The following PSMC2 variants were observed in gnomAD, a reference collection of about 807,000 sequenced individuals.
The protein encoded by PSMC2 is 26S proteasome regulatory subunit 7.
A neutral mutation model predicts 53.3 loss-of-function variants in PSMC2; 7 were observed. That is an observed-to-expected ratio of 0.13 (90% CI 0.07 to 0.25). The LOEUF (loss-of-function observed/expected upper bound fraction) is 0.25, where lower values mean the gene tolerates loss of function less well. Among genes scored for constraint, PSMC2 ranks in the 10% least tolerant of loss-of-function variants. PSMC2 has a pLI of 1.00. For missense variants in PSMC2, 241 were observed against 544.0 expected (o/e 0.44, Z 5.54); for synonymous variants, 169 against 183.9 (o/e 0.92, Z 0.66).
In PSMC2 at chr7:103,354,471, C is replaced by A. The variant is rs148237238; in HGVS notation, c.109-397C>A. On this transcript the variant is annotated intron_variant, in intron 2 of 11. Coordinates refer to ENST00000292644, the MANE Select transcript of PSMC2 (RefSeq NM_002803.4). ...GCAACCTCCGCCTCCTGGGTTCAAGCGATTCTCCTGCCTCAGCCTCCTGAG... is the reference window on the plus strand; with the variant it reads ...GCAACCTCCGCCTCCTGGGTTCAAGAGATTCTCCTGCCTCAGCCTCCTGAG... Among the ~76,000 whole-genome samples the A allele has an allele frequency of 1.8e-3, 277 of 150,896 alleles. 9 individuals are homozygous for A. In the East Asian group the frequency reaches 0.052, roughly 28 times the overall value.
chr7:103,366,223 A>C (rs533101025), intron 9 of PSMC2, 60 bp downstream of exon 9: 6 of 1,360,088 alleles, frequency 4.4e-6, no homozygotes, highest in Admixed American at 1.8e-5. Flanking sequence ...CTGTAAAGTG[A>C]TATGTCGTGA....
chr7:103,368,840 A>ATTACT lies in PSMC2; in HGVS notation c.*790_*794dup, dbSNP rs1820863280. The stretch of plus-strand genomic sequence containing the variant: ...AAAAGTGATTACTTTCATTTTACAA[A>ATTACT]TTACTTTAAAATTTTGGTAAAGTTT... On this transcript the variant is annotated 3_prime_UTR_variant, in exon 12 of 12. Coordinates refer to ENST00000292644, the MANE Select transcript of PSMC2 (RefSeq NM_002803.4). The ATTACT allele has an allele frequency of 1.3e-5, 2 of 152,196 alleles. No homozygotes were observed. The highest frequency in any genetic ancestry group is 4.1e-4 in the South Asian group (2 of 4,832). The allele number at this position is 152,196 out of a possible 1,614,324, so 9.4% of individuals were successfully genotyped here. A position where few individuals can be genotyped will look rare whatever the true frequency, so the allele number is the denominator to read the frequency against.
rs544406063 is a variant in PSMC2 at position 103,361,063 on chromosome 7, G to A, written c.291-894G>A. Among the ~76,000 whole-genome samples, 67 of 150,686 alleles carry A rather than the reference G, an allele frequency of 4.4e-4. No individual in the cohort carries two copies. The South Asian group carries it at 5.1e-3, about 11-fold the overall frequency. ...CAGGAGGCGGAGATTGTAATGAGCC[G>A]AGATCGCACCACTGCACTCCAGTCT... On this transcript the variant is annotated intron_variant, in intron 4 of 11. Transcript: ENST00000292644.
At chr7:103,354,464 G>T (rs570577273) in intron 2 of PSMC2, among the ~76,000 whole-genome samples, 2 of 151,706 alleles carry the variant, frequency 1.3e-5, no homozygotes, top group South Asian at 4.2e-4. Flanking sequence ...CGCCTCCTGG[G>T]TTCAAGCGAT....
Position 103,367,747 on chromosome 7 carries a change from C to A in PSMC2, c.1082C>A (p.Ser361Ter). ...RTHIFKIHAR[S>*]MSVERDIRFE... is the part of the protein sequence containing the mutation. ...CACATATTTAAGATTCACGCTCGTT[C>A]AATGAGTGTTGAAAGAGATATCAGA... The change falls in exon 11 of 12, where the codon TCA becomes TAA. Residue 361 changes from serine to a stop codon, truncating the protein, a stop_gained. Coordinates refer to ENST00000292644, the MANE Select transcript of PSMC2 (RefSeq NM_002803.4). LOFTEE classifies it high-confidence loss of function. This position sits in a 1 kb window ranked among gnomAD's most constrained non-coding sequence, Gnocchi z 6.1. 1.2e-6 allele frequency: 2 copies of A among 1,613,918 alleles called. No homozygotes were observed. The highest frequency in any genetic ancestry group is 2.2e-5 in the South Asian group (2 of 91,010).
At chr7:103,365,756 C>T (rs1820684284) in intron 8 of PSMC2, among the ~76,000 whole-genome samples, 1 of 152,038 alleles carries the variant, frequency 6.6e-6, no homozygotes, top group East Asian at 1.9e-4. Context: ...GCTGAAACCC[C>T]GTCTCTACTA....
At chr7:103,348,741 GA>G in intron 1 of PSMC2, 1 of 1,389,066 alleles carries the variant, frequency 7.2e-7, no homozygotes. Flanking sequence ...GTCAGTATGG[GA>G]AGGATATTGG....
At position 103,354,859 on chromosome 7, in the gene PSMC2, A is replaced by G. The variant is rs1197774757; in HGVS notation, c.109-9A>G. On this transcript the variant is annotated splice_polypyrimidine_tract_variant and intron_variant, in intron 2 of 11. Coordinates refer to ENST00000292644, the MANE Select transcript of PSMC2 (RefSeq NM_002803.4). ...TGATATTCTAACTAAACTGACCTTC[A>G]TCACCTAGGGTCAGAGCACTTACTC... 6.9e-6 allele frequency: 11 copies of G among 1,589,342 alleles called. No homozygotes were observed. Among genetic ancestry groups the G allele is most frequent in the Non-Finnish European group, 9.5e-6 (11 of 1,161,332 alleles).
intron 1 of PSMC2, among the ~76,000 whole-genome samples, 189 bp downstream of exon 1, chr7:103,347,970 C>G (rs1331863465): frequency 6.6e-6 from 1 of 152,192 alleles, no homozygotes; most frequent in African/African-American, 2.4e-5. Context: ...ACTACAAGTT[C>G]TGTATTATCT....
At chr7:103,357,195 G>A (rs922578144) in intron 4 of PSMC2, among the ~76,000 whole-genome samples, 3 of 151,920 alleles carry the variant, frequency 2.0e-5, no homozygotes, top group East Asian at 1.9e-4. Flanking sequence ...GTGTGGTGGC[G>A]GGCGCTTGTA....
chr7:103,347,848 G>C, intron 1 of PSMC2, 67 bp downstream of exon 1: 1 of 1,563,080 alleles, frequency 6.4e-7, no homozygotes, highest in South Asian at 1.1e-5. Context: ...TGGCACTGGA[G>C]AGGAGCTGGA....
rs568477030 is a variant in PSMC2 at position 103,358,343 on chromosome 7, C to T, written c.290+2550C>T. Among the ~76,000 whole-genome samples the T allele has an allele frequency of 1.8e-3, 276 of 152,170 alleles. 2 individuals are homozygous for T. The highest frequency in any genetic ancestry group is 6.5e-3 in the African/African-American group (269 of 41,512). On this transcript the variant is annotated intron_variant, in intron 4 of 11. Coordinates refer to ENST00000292644, the MANE Select transcript of PSMC2 (RefSeq NM_002803.4). Reference sequence around the variant, plus strand: ...TGTTGGTCTGTTTTCATCCATTGTCCTGGGCTCTCTTGTCCTTTAGTAAGG... The same window carrying T: ...TGTTGGTCTGTTTTCATCCATTGTCTTGGGCTCTCTTGTCCTTTAGTAAGG...
intron 8 of PSMC2, 84 bp from the exon 9 acceptor site, chr7:103,365,992 T>G: frequency 9.4e-7 from 1 of 1,068,618 alleles, no homozygotes; most frequent in Non-Finnish European, 1.4e-6. Flanking sequence ...GGAATAAATA[T>G]TGAAAAGTTT....
chr7:103,349,014 A>G (rs748925349), intron 1 of PSMC2, among the ~76,000 whole-genome samples: 1 of 152,256 alleles, frequency 6.6e-6, no homozygotes, highest in Non-Finnish European at 1.5e-5. Flanking sequence ...AGATATGCAC[A>G]CCAGTTTTGG....
intron 5 of PSMC2, 199 bp downstream of exon 5, chr7:103,362,287 C>G: frequency 7.1e-7 from 1 of 1,401,024 alleles, no homozygotes; most frequent in African/African-American, 1.5e-5. Flanking sequence ...TCCCCTACTC[C>G]CACTGTTGTT....
At chr7:103,355,619 G>A in intron 3 of PSMC2, 75 bp from the exon 4 acceptor site, 1 of 1,089,202 alleles carries the variant, frequency 9.2e-7, no homozygotes, top group South Asian at 1.3e-5. Flanking sequence ...AATATCAGTA[G>A]TGCTGAGGTT....
intron 8 of PSMC2, among the ~76,000 whole-genome samples, chr7:103,365,560 C>T (rs774410837): frequency 2.7e-4 from 41 of 152,260 alleles, no homozygotes; most frequent in Non-Finnish European, 4.9e-4. Flanking sequence ...ACCCAGAAGG[C>T]GAAGGTTGCA....
At chr7:103,353,874 A>C in intron 1 of PSMC2, 47 bp from the exon 2 acceptor site, 1 of 1,525,866 alleles carries the variant, frequency 6.6e-7, no homozygotes, top group Non-Finnish European at 9.0e-7. Context: ...TAAAAATTTT[A>C]ATTCTAGTTT....
intron 1 of PSMC2, among the ~76,000 whole-genome samples, chr7:103,348,390 C>G (rs1369278225): frequency 1.3e-5 from 2 of 152,128 alleles, no homozygotes; most frequent in African/African-American, 4.8e-5. Flanking sequence ...ATGTAGCATG[C>G]TGTACATACT....
Sources: gnomAD v4.1 joint callset for allele counts (sites outside exome capture counted in the v4.1 genomes callset) on GRCh38, gnomAD v4.1.1 for gene constraint, Gnocchi (gnomAD v3.1) non-coding constraint, MANE v1.5 for transcripts, NCBI Gene and HGNC (gene_info 2026-07-23, HGNC 2026-07-21) for gene names.